Variants in PTPRK observed in about 807,000 individuals in gnomAD.
The protein encoded by PTPRK is receptor-type tyrosine-protein phosphatase kappa.
In PTPRK, 75 loss-of-function variants were observed where a neutral mutation model predicts 178.0. The ratio of observed to expected loss-of-function variants is 0.42; its 90% confidence interval spans 0.35 to 0.51. The LOEUF (loss-of-function observed/expected upper bound fraction) is 0.51. Among genes scored for constraint, PTPRK ranks in the 20% least tolerant of loss-of-function variants. PTPRK has a pLI of 0.02. For missense variants in PTPRK, 1,441 were observed against 1,797.8 expected (o/e 0.80, Z 3.59); for synonymous variants, 637 against 620.6 (o/e 1.03, Z -0.39).
At chr6:128,219,172 A>G in intron 5 of PTPRK, 76 bp from the exon 6 acceptor site, 1 of 1,315,252 alleles carries the variant, frequency 7.6e-7, no homozygotes, top group Non-Finnish European at 1.0e-6. Flanking sequence ...AGCAAGCAAT[A>G]TCTGTGATAA....
At chr6:128,231,702 G>A (rs571894092) in intron 5 of PTPRK, among the ~76,000 whole-genome samples, 1 of 152,100 alleles carries the variant, frequency 6.6e-6, no homozygotes, top group Non-Finnish European at 1.5e-5. Context: ...CTCCTACTGA[G>A]GAACACTTAC....
chr6:128,357,274 G>T (rs905557391), intron 2 of PTPRK, among the ~76,000 whole-genome samples: 2 of 152,150 alleles, frequency 1.3e-5, no homozygotes, highest in Non-Finnish European at 2.9e-5. Context: ...TCACTCGGTA[G>T]GTATATCTCA....
At chr6:128,089,622 A>G in intron 8 of PTPRK, 68 bp downstream of exon 8, 1 of 1,419,890 alleles carries the variant, frequency 7.0e-7, no homozygotes, top group South Asian at 1.2e-5. Flanking sequence ...TCTTAGGAAA[A>G]TCTTAAAGTA....
intron 1 of PTPRK, among the ~76,000 whole-genome samples, chr6:128,494,528 G>A (rs1374408705): frequency 6.6e-6 from 1 of 152,080 alleles, no homozygotes; most frequent in South Asian, 2.1e-4. Context: ...CTCAGCGGGA[G>A]CACTGCAGTT....
chr6:128,479,961 T>C (rs531201771), intron 1 of PTPRK, among the ~76,000 whole-genome samples: 9 of 152,208 alleles, frequency 5.9e-5, no homozygotes, highest in South Asian at 4.1e-4. Context: ...ATAACCAAAC[T>C]CAGTGGTGGC....
intron 3 of PTPRK, among the ~76,000 whole-genome samples, chr6:128,312,522 T>C (rs1827388991): frequency 6.6e-6 from 1 of 152,252 alleles, no homozygotes; most frequent in African/African-American, 2.4e-5. Flanking sequence ...TAACAACTCT[T>C]TGGACATTTA....
chr6:128,141,296 A>C (rs1230632325), intron 7 of PTPRK, among the ~76,000 whole-genome samples: 3 of 151,956 alleles, frequency 2.0e-5, no homozygotes, highest in African/African-American at 7.2e-5. Context: ...CAAGAAACAT[A>C]AAATTTCAGT....
intron 2 of PTPRK, among the ~76,000 whole-genome samples, chr6:128,371,099 A>G (rs1836209699): frequency 6.6e-6 from 1 of 152,124 alleles, no homozygotes; most frequent in Non-Finnish European, 1.5e-5. Flanking sequence ...TTTGTCTATG[A>G]ATTATACCAC....
intron 3 of PTPRK, among the ~76,000 whole-genome samples, chr6:128,320,288 A>T (rs115659054): frequency 0.014 from 2,206 of 152,286 alleles, 56 homozygotes; most frequent in African/African-American, 0.049. Flanking sequence ...GTGCCATGAG[A>T]AAATGTTATT....
chr6:128,478,446 A>G (rs1851647741), intron 1 of PTPRK, among the ~76,000 whole-genome samples: 1 of 152,078 alleles, frequency 6.6e-6, no homozygotes, highest in South Asian at 2.1e-4. Context: ...TCTTCTCTCC[A>G]CACTGGAGAG....
At chr6:127,978,417 C>T (rs1774865231) in intron 25 of PTPRK, among the ~76,000 whole-genome samples, 1 of 152,158 alleles carries the variant, frequency 6.6e-6, no homozygotes, top group Non-Finnish European at 1.5e-5. Flanking sequence ...CTTGGCACTC[C>T]TTCCCCTTCC....
At chr6:128,307,161 ATAT>A (rs1394714525) in intron 3 of PTPRK, among the ~76,000 whole-genome samples, 23 of 79,524 alleles carry the variant, frequency 2.9e-4, no homozygotes, top group African/African-American at 1.1e-3. Flanking sequence ...AGAAAAAAAA[ATAT>A]ATATATATAT....
chr6:128,355,213 A>T (rs1833790988), intron 2 of PTPRK, among the ~76,000 whole-genome samples: 1 of 152,254 alleles, frequency 6.6e-6, no homozygotes, highest in Non-Finnish European at 1.5e-5. Flanking sequence ...TTACATGCAG[A>T]ACAACTGAGT....
intron 1 of PTPRK, among the ~76,000 whole-genome samples, chr6:128,478,998 T>TA (rs1460428058): frequency 6.6e-6 from 1 of 151,986 alleles, no homozygotes; most frequent in Non-Finnish European, 1.5e-5. Flanking sequence ...CCTAGAGAGC[T>TA]ATAAAGCAAG....
intron 1 of PTPRK, among the ~76,000 whole-genome samples, chr6:128,401,200 T>C (rs1840969818): frequency 6.6e-6 from 1 of 152,208 alleles, no homozygotes; most frequent in Non-Finnish European, 1.5e-5. Context: ...GGCAACCTGT[T>C]CATCTGAAAA....
intron 7 of PTPRK, among the ~76,000 whole-genome samples, chr6:128,146,736 T>C (rs1041118526): frequency 5.3e-5 from 8 of 152,090 alleles, no homozygotes; most frequent in Admixed American, 1.3e-4. Context: ...CCTACGATAC[T>C]GTTTTAAAAC....
At chr6:128,423,605 G>A (rs1843745404) in intron 1 of PTPRK, among the ~76,000 whole-genome samples, 1 of 151,996 alleles carries the variant, frequency 6.6e-6, no homozygotes. Flanking sequence ...AGAGGCGGGT[G>A]GATCATGAGG....
chr6:128,125,557 T>C (rs911592690), intron 7 of PTPRK, among the ~76,000 whole-genome samples: 17 of 151,840 alleles, frequency 1.1e-4, no homozygotes, highest in African/African-American at 4.1e-4. Context: ...AGTGTTTCTT[T>C]ATAGCAATGC....
In PTPRK at chr6:128,366,975, C is replaced by G. The variant is rs1835587545; in HGVS notation, c.223+30591G>C. ...TAGAAGATAGATATCTTCATAGAAACAGGCTCCCAACACCAAGCAAACTTC... is the reference window on the plus strand; with the variant it reads ...TAGAAGATAGATATCTTCATAGAAAGAGGCTCCCAACACCAAGCAAACTTC... On this transcript the variant is annotated intron_variant, in intron 2 of 29. Transcript: ENST00000368226. 3.3e-5 allele frequency among the ~76,000 whole-genome samples: 5 copies of G among 152,100 alleles called. No homozygotes were observed. In the South Asian group the frequency reaches 1.0e-3, roughly 32 times the overall value.
Sources: allele counts gnomAD v4.1 joint callset (sites outside exome capture counted in the v4.1 genomes callset), GRCh38; gene constraint gnomAD v4.1.1; transcripts MANE v1.5; gene names NCBI Gene and HGNC (gene_info 2026-07-23, HGNC 2026-07-21).